Variants in CBFA2T3 observed in about 807,000 individuals in gnomAD.
CBFA2T3 encodes the protein CBFA2/RUNX1 partner transcriptional co-repressor 3.
In CBFA2T3, 31 loss-of-function variants were observed where a neutral mutation model predicts 58.6. The ratio of observed to expected loss-of-function variants is 0.53; its 90% CI spans 0.40 to 0.71. The LOEUF (loss-of-function observed/expected upper bound fraction) is 0.71, where lower values mean the gene tolerates loss of function less well. Among genes scored for constraint, CBFA2T3 ranks in the 30% least tolerant of loss-of-function variants. CBFA2T3 has a pLI of 0.00. For missense variants in CBFA2T3, 1,076 were observed against 963.1 expected, an observed-to-expected ratio of 1.12 and a Z score of -1.55; for synonymous variants, 531 against 421.9, an observed-to-expected ratio of 1.26 and a Z score of -3.17.
At chr16:88,908,897 C>T (rs1003781535) in intron 1 of CBFA2T3, among the ~76,000 whole-genome samples, 3 of 152,260 alleles carry the variant, frequency 2.0e-5, no homozygotes, top group Non-Finnish European at 1.5e-5. Context: ...GTGCAGAACA[C>T]CTCATTTCGT....
intron 2 of CBFA2T3, among the ~76,000 whole-genome samples, chr16:88,899,911 C>T (rs112636212): frequency 1.5e-3 from 222 of 152,264 alleles, no homozygotes; most frequent in African/African-American, 5.0e-3. Context: ...TCGGTGTGGT[C>T]GCAAGCTGCC....
chr16:88,922,732 C>T (rs1425250956), intron 1 of CBFA2T3, among the ~76,000 whole-genome samples: 1 of 152,218 alleles, frequency 6.6e-6, no homozygotes, highest in African/African-American at 2.4e-5. Flanking sequence ...GGTGGACGGC[C>T]CCTTCCTGGA....
intron 1 of CBFA2T3, among the ~76,000 whole-genome samples, chr16:88,948,918 C>T (rs993342111): frequency 1.3e-5 from 2 of 152,096 alleles, no homozygotes; most frequent in African/African-American, 4.8e-5. Context: ...AGCCGGTGCT[C>T]GTGTGTAAAA....
chr16:88,906,446 C>G (rs1436647216), intron 1 of CBFA2T3, among the ~76,000 whole-genome samples: 2 of 152,216 alleles, frequency 1.3e-5, no homozygotes, highest in Non-Finnish European at 2.9e-5. Flanking sequence ...GCTCCAGCCG[C>G]AAGACGGCCC....
At chr16:88,905,290 T>A (rs893855540) in intron 1 of CBFA2T3, among the ~76,000 whole-genome samples, 5 of 152,024 alleles carry the variant, frequency 3.3e-5, no homozygotes, top group Admixed American at 3.3e-4. Context: ...ATGACACCCA[T>A]CTCCCTGCTC....
At chr16:88,972,534 C>T (rs748193310) in intron 1 of CBFA2T3, among the ~76,000 whole-genome samples, 4 of 152,314 alleles carry the variant, frequency 2.6e-5, no homozygotes, top group Admixed American at 6.5e-5. Context: ...TGTCCCCTTG[C>T]GATGCTGCTG....
chr16:88,879,081 C>T (rs1305436299), intron 11 of CBFA2T3, among the ~76,000 whole-genome samples, 189 bp downstream of exon 11: 2 of 152,242 alleles, frequency 1.3e-5, no homozygotes, highest in Non-Finnish European at 2.9e-5. Flanking sequence ...CCATAGGACG[C>T]CTCACTGAAC....
At chr16:88,904,684 G>T (rs1201418125) in intron 1 of CBFA2T3, among the ~76,000 whole-genome samples, 1 of 151,140 alleles carries the variant, frequency 6.6e-6, no homozygotes, top group Non-Finnish European at 1.5e-5. Context: ...TTGTGCGGGG[G>T]CAGCTGTGCA....
rs549111243 is a variant in CBFA2T3 at position 88,972,819 on chromosome 16, G to A, written c.151+3838C>T. ...GTCAACAAAAGGGGGGACAGGAGGC[G>A]GGAGGTGAGGTCTGAGGGTGCTGGG... On this transcript the variant is annotated intron_variant, in intron 1 of 11. Coordinates refer to ENST00000268679, the MANE Select transcript of CBFA2T3 (RefSeq NM_005187.6). Among the ~76,000 whole-genome samples, 52 of 152,334 alleles carry A rather than the reference G, an allele frequency of 3.4e-4. No homozygotes were observed. In the South Asian group the frequency reaches 9.7e-3, roughly 29 times the overall value.
At chr16:88,883,872 A>G (rs1385089436) in intron 7 of CBFA2T3, 1 of 152,234 alleles carries the variant, frequency 6.6e-6, no homozygotes, top group Non-Finnish European at 1.5e-5. Context: ...TCCAGGCCCC[A>G]CTGTTTTCTG....
At chr16:88,956,902 T>G (rs1287123424) in intron 1 of CBFA2T3, among the ~76,000 whole-genome samples, 2 of 152,188 alleles carry the variant, frequency 1.3e-5, no homozygotes, top group Non-Finnish European at 2.9e-5. Flanking sequence ...CCTGGCACCC[T>G]CCAGTCCACA....
intron 1 of CBFA2T3, among the ~76,000 whole-genome samples, chr16:88,928,919 A>T (rs1971178536): frequency 1.3e-5 from 2 of 152,220 alleles, no homozygotes; most frequent in Admixed American, 1.3e-4. Context: ...AAAGGCCCTG[A>T]ACTGCAGCCA....
intron 1 of CBFA2T3, among the ~76,000 whole-genome samples, chr16:88,961,623 G>A (rs1441745210): frequency 9.1e-6 from 1 of 109,484 alleles, no homozygotes; most frequent in African/African-American, 3.8e-5. Flanking sequence ...TCAGCACTGG[G>A]CATTCCCACT....
At chr16:88,880,683 A>C in intron 10 of CBFA2T3, 37 bp downstream of exon 10, 1 of 1,532,918 alleles carries the variant, frequency 6.5e-7, no homozygotes, top group Non-Finnish European at 8.8e-7. Context: ...CTGGCCTCCC[A>C]CAGCTCTGCT....
chr16:88,960,891 G>C (rs1972338631), intron 1 of CBFA2T3, among the ~76,000 whole-genome samples: 2 of 152,244 alleles, frequency 1.3e-5, no homozygotes, highest in Admixed American at 6.5e-5. Flanking sequence ...GATGCAGAAT[G>C]CCTGGTTAAA....
chr16:88,961,322 C>T (rs1433529563), intron 1 of CBFA2T3, among the ~76,000 whole-genome samples: 1 of 152,162 alleles, frequency 6.6e-6, no homozygotes, highest in Non-Finnish European at 1.5e-5. Flanking sequence ...CGACACTCAC[C>T]CCTGGGCATT....
At chr16:88,930,773 G>A (rs1342866482) in intron 1 of CBFA2T3, among the ~76,000 whole-genome samples, 1 of 61,270 alleles carries the variant, frequency 1.6e-5, no homozygotes, top group Non-Finnish European at 3.3e-5. Flanking sequence ...TGGGGGTGGA[G>A]GAGCGAGGAG....
intron 1 of CBFA2T3, among the ~76,000 whole-genome samples, chr16:88,956,899 C>T (rs1224687977): frequency 6.6e-6 from 1 of 152,236 alleles, no homozygotes; most frequent in Non-Finnish European, 1.5e-5. Flanking sequence ...CTGCCTGGCA[C>T]CCTCCAGTCC....
intron 1 of CBFA2T3, among the ~76,000 whole-genome samples, chr16:88,923,126 G>A (rs764721943): frequency 6.6e-6 from 1 of 152,208 alleles, no homozygotes; most frequent in Non-Finnish European, 1.5e-5. Flanking sequence ...GGAGAGACGC[G>A]GGGGAGTTTG....
Sources: gnomAD v4.1 joint callset for allele counts (sites outside exome capture counted in the v4.1 genomes callset) on GRCh38, gnomAD v4.1.1 for gene constraint, MANE v1.5 for transcripts, NCBI Gene and HGNC (gene_info 2026-07-23, HGNC 2026-07-21) for gene names.